The following CRYBG2 variants were observed in gnomAD, a reference collection of about 807,000 sequenced individuals.
The protein encoded by CRYBG2 is beta/gamma crystallin domain-containing protein 2.
A neutral mutation model predicts 153.4 loss-of-function variants in CRYBG2; 106 were observed. That is an observed-to-expected ratio of 0.69 (90% CI 0.59 to 0.81). The LOEUF is 0.81. Ranked by LOEUF, CRYBG2 falls within the 30% of genes least tolerant of loss-of-function variation. The pLI, the probability that CRYBG2 is intolerant of heterozygous loss-of-function variation, is 0.00. For synonymous variants in CRYBG2, 851 were observed against 877.8 expected (o/e 0.97, Z 0.54); for missense variants, 1,996 against 2,112.0 (o/e 0.95, Z 1.08).
At chr1:26,348,680 C>T (rs2074253254) in intron 1 of CRYBG2, among the ~76,000 whole-genome samples, 1 of 151,882 alleles carries the variant, frequency 6.6e-6, no homozygotes, top group African/African-American at 2.4e-5. Context: ...CTCAGCCTCC[C>T]GAGTAGCTGG....
intron 17 of CRYBG2, among the ~76,000 whole-genome samples, chr1:26,327,700 A>G (rs1375938670): frequency 6.6e-6 from 1 of 152,056 alleles, no homozygotes; most frequent in East Asian, 1.9e-4. Flanking sequence ...TAATCCCAGC[A>G]CTTTGGGAGG....
chr1:26,343,784 T>C lies in CRYBG2; in HGVS notation c.2874A>G (p.Pro958=), dbSNP rs1390758744. Residue 958 remains proline (P), a synonymous_variant, in exon 2 of 20, where the codon CCA becomes CCG. Transcript: ENST00000308182. The surrounding 1 kb of genome is among the most constrained non-coding windows in gnomAD (Gnocchi z 4.1). ...GCAGGGAACAGGCAAGCTTCTCCGT[T>C]GGGGATGATCTTTCACTGCAAAGCA... is the stretch of plus-strand genomic sequence containing the variant. The part of the protein sequence containing the change: ...LPLLCSERSS[P]TEKLACSLPL... 6.9e-7 allele frequency: 1 copy of C among 1,449,838 alleles called. No homozygotes were observed. The highest frequency in any genetic ancestry group is 9.1e-7 in the Non-Finnish European group (1 of 1,098,578). 89.8% of individuals were successfully genotyped at this position (1,449,838 alleles called of 1,614,324 possible).
intron 15 of CRYBG2, among the ~76,000 whole-genome samples, chr1:26,330,228 TA>T (rs2073983033): frequency 6.6e-6 from 1 of 152,162 alleles, no homozygotes; most frequent in Admixed American, 6.5e-5. Context: ...AACAACCCTA[TA>T]AGGTAGAAGC....
chr1:26,349,120 G>A (rs1290000837), intron 1 of CRYBG2, among the ~76,000 whole-genome samples: 1 of 151,946 alleles, frequency 6.6e-6, no homozygotes, highest in Non-Finnish European at 1.5e-5. Context: ...AGTGAGCTGA[G>A]ATCACGCCTC....
At chr1:26,334,796 G>A (rs1286966890) in intron 14 of CRYBG2, among the ~76,000 whole-genome samples, 1 of 152,030 alleles carries the variant, frequency 6.6e-6, no homozygotes, top group Admixed American at 6.6e-5. Flanking sequence ...GGTGGCGGGT[G>A]CCTGTAATCC....
Position 26,345,316 on chromosome 1 carries a change from G to C in CRYBG2, c.1342C>G (p.Gln448Glu), listed in dbSNP as rs200925172. The C allele has an allele frequency of 2.1e-4, 336 of 1,613,588 alleles. 4 individuals carry two copies. In the South Asian group the frequency reaches 3.1e-3, roughly 15 times the overall value. Residue 448 changes from glutamine to glutamate, a missense_variant, in exon 2 of 20, where the codon CAG becomes GAG. Gln to Glu is a conservative substitution (Grantham distance 29). Coordinates refer to ENST00000308182, the MANE Select transcript of CRYBG2 (RefSeq NM_001039775.4). Reference protein sequence around the residue: ...APSSPRNKFVQNSENVPVLPF... With the variant: ...APSSPRNKFVENSENVPVLPF... ...AGGACAGGGACATTTTCAGAGTTCT[G>C]AACAAACTTATTCCTTGGGGACGAT...
chr1:26,338,394 C>T lies in CRYBG2; in HGVS notation c.3428G>A (p.Gly1143Asp). 6.2e-7 allele frequency: 1 copy of T among 1,613,272 alleles called. No individual in the cohort carries two copies. Among genetic ancestry groups the T allele is most frequent in the Non-Finnish European group, 8.5e-7 (1 of 1,179,660 alleles). The change falls in exon 7 of 20, where the codon GGC becomes GAC. Residue 1143 changes from glycine to aspartate, a missense_variant. Coordinates refer to ENST00000308182, the MANE Select transcript of CRYBG2 (RefSeq NM_001039775.4). ...GGAGCCCACGCTGGGGTCCGATGTGCCCCAGGCCTCTGAGGTGGGGTACTC... is the reference window on the plus strand; with the variant it reads ...GGAGCCCACGCTGGGGTCCGATGTGTCCCAGGCCTCTGAGGTGGGGTACTC... The part of the protein sequence containing the change: ...PGEYPTSEAW[G>D]TSDPSVGSLK...
rs955078873 is a variant in CRYBG2, at chr1:26,344,026, T to G, written c.2632A>C (p.Lys878Gln). 4 of 1,536,120 alleles carry G rather than the reference T, an allele frequency of 2.6e-6. No individual in the cohort carries two copies. In the Admixed American group the frequency reaches 7.8e-5, roughly 30 times the overall value. ...VSCSPLEMMK[K>Q]HVAGTKGPHS... is the part of the protein sequence containing the mutation. The stretch of plus-strand genomic sequence containing the variant: ...GGGCCCTTGGTTCCTGCTACATGCT[T>G]CTTCATCATCTCCAGAGGAGAGCAG... The change falls in exon 2 of 20, where the codon AAG becomes CAG. Residue 878 changes from lysine (K) to glutamine (Q), a missense_variant. Coordinates refer to ENST00000308182, the MANE Select transcript of CRYBG2 (RefSeq NM_001039775.4).
At chr1:26,332,306 CAAAAAA>C (rs567865951) in intron 14 of CRYBG2, among the ~76,000 whole-genome samples, 1 of 71,466 alleles carries the variant, frequency 1.4e-5, no homozygotes. Flanking sequence ...GACTCCGTGT[CAAAAAA>C]AAAAAAAAAA....
At chr1:26,329,358 G>A (rs1267915707) in intron 15 of CRYBG2, among the ~76,000 whole-genome samples, 1 of 151,774 alleles carries the variant, frequency 6.6e-6, no homozygotes, top group Non-Finnish European at 1.5e-5. Flanking sequence ...TGTACTTTTA[G>A]TAGAGACAGG....
chr1:26,331,602 C>A lies in CRYBG2; in HGVS notation c.4201G>T (p.Glu1401Ter). 1 of 1,614,014 alleles carries A rather than the reference C, an allele frequency of 6.2e-7. No individual in the cohort carries two copies. The highest frequency in any genetic ancestry group is 8.5e-7 in the Non-Finnish European group (1 of 1,180,024). The change falls in exon 15 of 20, where the codon GAG becomes TAG. Residue 1401 changes from glutamate (E) to a stop codon, truncating the protein, a stop_gained. Coordinates refer to ENST00000308182, the MANE Select transcript of CRYBG2 (RefSeq NM_001039775.4). LOFTEE classifies it high-confidence loss of function. ...TGCTGGTCACCCTCGAAGTTCGTCT[C>A]ATCAAACAGGATCCAGCTAGGGAAG... ...VHGGSWILFD[E>*]TNFEGDQHIL...
In CRYBG2 at chr1:26,345,974, C is replaced by T. The variant is rs553277807; in HGVS notation, c.684G>A (p.Ser228=). 8.8e-6 allele frequency: 14 copies of T among 1,593,034 alleles called. No individual in the cohort carries two copies. Among genetic ancestry groups the T allele is most frequent in the Middle Eastern group, 3.3e-4 (2 of 6,042 alleles). Residue 228 remains serine (S), a synonymous_variant, in exon 2 of 20, where the codon TCG becomes TCA. Transcript: ENST00000308182. ...PPVVVGSPPG[S]PSRSQAVKVL... ...CTTTCACGGCCTGGCTGCGGCTGGG[C>T]GAGCCTGGTGGGGAGCCCACCACCA... is the stretch of plus-strand genomic sequence containing the variant.
rs75878406 is a variant in CRYBG2 at position 26,321,989 on chromosome 1, G to C, written c.4965C>G (p.Ile1655Met). 927 of 1,599,224 alleles carry C rather than the reference G, an allele frequency of 5.8e-4. 5 individuals are homozygous for C. In the African/African-American group the frequency reaches 0.011, roughly 20 times the overall value. ...WEPDEDRASQ[I>M]WTIHVL is the part of the protein sequence containing the mutation. ...AGTTTCAAAGCACGTGGATAGTCCA[G>C]ATCTGGGATGCCCTGTCCTCATCCG... The change falls in exon 20 of 20, where the codon ATC (isoleucine) becomes ATG (methionine). Residue 1655 changes from isoleucine to methionine, a missense_variant. Physicochemically the swap from Ile to Met is conservative, Grantham distance 10. Coordinates refer to ENST00000308182, the MANE Select transcript of CRYBG2 (RefSeq NM_001039775.4).
In CRYBG2 at chr1:26,322,326, G is replaced by A; in HGVS notation, c.4738-3C>T. 2 of 1,607,610 alleles carry A rather than the reference G, an allele frequency of 1.2e-6. No homozygotes were observed. Among genetic ancestry groups the A allele is most frequent in the Non-Finnish European group, 1.7e-6 (2 of 1,176,600 alleles). ...TGTAGGCTCATGGTGGGGGCCATCT[G>A]AGGCCCCAGGAGGTCATCAGGCATT... On this transcript the variant is annotated splice_polypyrimidine_tract_variant and splice_region_variant and intron_variant, in intron 18 of 19. Coordinates refer to ENST00000308182, the MANE Select transcript of CRYBG2 (RefSeq NM_001039775.4).
rs1243976956 is a variant in CRYBG2, at chr1:26,345,594, G to T, written c.1064C>A (p.Pro355His). 1.9e-6 allele frequency: 3 copies of T among 1,601,270 alleles called. No individual in the cohort carries two copies. In the African/African-American group the frequency reaches 4.0e-5, roughly 21 times the overall value. The stretch of plus-strand genomic sequence containing the variant: ...AGAGGGGACATGGGTCTCGAGTCTG[G>T]GAGAGGAGGGGACTGATGCTTGACC... Reference protein sequence around the residue: ...SQGQASVPSSPRLETHVPSPG... With the variant: ...SQGQASVPSSHRLETHVPSPG... The change falls in exon 2 of 20, where the codon CCC becomes CAC. Residue 355 changes from proline (P) to histidine (H), a missense_variant. By Grantham distance (77) the Pro-to-His change is moderately conservative. Transcript: ENST00000308182.
intron 1 of CRYBG2, among the ~76,000 whole-genome samples, chr1:26,348,506 C>T (rs570882424): frequency 3.3e-5 from 5 of 152,218 alleles, no homozygotes; most frequent in Admixed American, 1.3e-4. Flanking sequence ...GAGCTATGAT[C>T]GTGTCACTGC....
chr1:26,351,840 T>C (rs2074290311), intron 1 of CRYBG2, among the ~76,000 whole-genome samples: 1 of 152,134 alleles, frequency 6.6e-6, no homozygotes, highest in South Asian at 2.1e-4. Context: ...TCTGCTGGAA[T>C]GTGCCTGCCT....
At chr1:26,342,715 T>C (rs1234066523) in intron 5 of CRYBG2, 39 bp downstream of exon 5, 5 of 1,602,882 alleles carry the variant, frequency 3.1e-6, no homozygotes. Context: ...ATTTCAACTC[T>C]AGGCACTCGA....
At chr1:26,351,699 A>T (rs12130986) in intron 1 of CRYBG2, among the ~76,000 whole-genome samples, 10,092 of 152,194 alleles carry the variant, frequency 0.066, 442 homozygotes, top group Non-Finnish European at 0.096. Flanking sequence ...AACACCCCTG[A>T]TAGCCAGTCA....
Sources: gnomAD v4.1 joint callset for allele counts (sites outside exome capture counted in the v4.1 genomes callset) on GRCh38, gnomAD v4.1.1 for gene constraint, Gnocchi (gnomAD v3.1) non-coding constraint, MANE v1.5 for transcripts, NCBI Gene and HGNC (gene_info 2026-07-23, HGNC 2026-07-21) for gene names.